The following SOX6 variants were observed in gnomAD, a reference collection of about 807,000 sequenced individuals.
SOX6 encodes the protein SRY-box transcription factor 6.
A neutral mutation model predicts 97.8 loss-of-function variants in SOX6; 11 were observed. The observed-to-expected ratio is 0.11, with a 90% CI of 0.07 to 0.19. The LOEUF is 0.19. Ranked by LOEUF, SOX6 falls within the 10% of genes least tolerant of loss-of-function variation. The pLI, the probability that SOX6 is intolerant of heterozygous loss-of-function variation, is 1.00. For missense variants in SOX6, 810 were observed against 1,039.5 expected (o/e 0.78, Z 3.04); for synonymous variants, 360 against 371.4 (o/e 0.97, Z 0.35).
At chr11:16,273,414 T>C (rs1854311336) in intron 3 of SOX6, among the ~76,000 whole-genome samples, 1 of 151,818 alleles carries the variant, frequency 6.6e-6, no homozygotes, top group Admixed American at 6.6e-5. Flanking sequence ...AATAATCTAG[T>C]CTATACAATA....
At chr11:16,419,850 T>C (rs907678787) in intron 1 of SOX6, among the ~76,000 whole-genome samples, 13 of 152,124 alleles carry the variant, frequency 8.5e-5, no homozygotes, top group Non-Finnish European at 1.3e-4. Flanking sequence ...CTGTACCTCA[T>C]AAGTGGTTTT....
At chr11:16,285,077 A>G (rs147675641) in intron 3 of SOX6, among the ~76,000 whole-genome samples, 1 of 152,296 alleles carries the variant, frequency 6.6e-6, no homozygotes, top group East Asian at 1.9e-4. Flanking sequence ...AGTATAGTCA[A>G]GTGAGCCTAA....
intron 12 of SOX6, among the ~76,000 whole-genome samples, chr11:16,020,816 G>T (rs918094658): frequency 1.3e-5 from 2 of 152,092 alleles, no homozygotes; most frequent in African/African-American, 4.8e-5. Context: ...AACATCAAAA[G>T]ATTTTTCAAG....
intron 11 of SOX6, 67 bp from the exon 12 acceptor site, chr11:16,046,768 C>A: frequency 6.7e-7 from 1 of 1,484,636 alleles, no homozygotes; most frequent in Non-Finnish European, 9.3e-7. Context: ...TACTACTATC[C>A]CCTCCCCTGT....
At chr11:16,482,473 G>A (rs143527840) in intron 4 of SOX6, among the ~76,000 whole-genome samples, 121 of 152,236 alleles carry the variant, frequency 7.9e-4, no homozygotes, top group African/African-American at 2.7e-3. Flanking sequence ...ACTGGGAAGC[G>A]ATCATGATTG....
At chr11:16,592,097 C>G (rs1848161133) in intron 4 of SOX6, among the ~76,000 whole-genome samples, 1 of 151,878 alleles carries the variant, frequency 6.6e-6, no homozygotes, top group African/African-American at 2.4e-5. Context: ...CATATATTAG[C>G]AAAATAGTAC....
chr11:16,384,388 T>G (rs1267163492), intron 1 of SOX6, among the ~76,000 whole-genome samples: 1 of 151,910 alleles, frequency 6.6e-6, no homozygotes, highest in Non-Finnish European at 1.5e-5. Context: ...AATAAAGGTA[T>G]TAAAATAATA....
intron 1 of SOX6, among the ~76,000 whole-genome samples, chr11:16,375,854 A>G (rs1857628285): frequency 6.6e-6 from 1 of 152,134 alleles, no homozygotes; most frequent in South Asian, 2.1e-4. Context: ...ATGCAGCCAT[A>G]AAAAAGGATG....
intron 1 of SOX6, among the ~76,000 whole-genome samples, chr11:16,378,190 G>T (rs927993759): frequency 6.6e-6 from 1 of 152,128 alleles, no homozygotes; most frequent in African/African-American, 2.4e-5. Context: ...GGCCTACTAT[G>T]TGCTAGGTAT....
At chr11:16,581,074 G>A (rs909901299) in intron 4 of SOX6, among the ~76,000 whole-genome samples, 9 of 152,006 alleles carry the variant, frequency 5.9e-5, no homozygotes, top group African/African-American at 4.8e-5. Flanking sequence ...AATACCATTT[G>A]ACCCAACAAT....
At chr11:16,446,066 T>C (rs1859604572) in intron 1 of SOX6, among the ~76,000 whole-genome samples, 1 of 152,088 alleles carries the variant, frequency 6.6e-6, no homozygotes, top group South Asian at 2.1e-4. Flanking sequence ...ACGTTATTTT[T>C]CTAGATTATC....
chr11:16,203,400 C>G (rs1167766275), intron 4 of SOX6, among the ~76,000 whole-genome samples: 5 of 152,112 alleles, frequency 3.3e-5, no homozygotes, highest in African/African-American at 1.2e-4. Context: ...ACAAGACTCT[C>G]CCAAGAAGAT....
At chr11:16,216,612 TAAA>T (rs35605922) in intron 4 of SOX6, among the ~76,000 whole-genome samples, 69,050 of 146,706 alleles carry the variant, frequency 0.47, 15,984 homozygotes, top group South Asian at 0.61. Context: ...CTTTTCAGAC[TAAA>T]AAAAAAAAAA....
intron 3 of SOX6, among the ~76,000 whole-genome samples, chr11:16,673,916 G>A (rs1301243491): frequency 4.6e-5 from 7 of 152,220 alleles, no homozygotes; most frequent in African/African-American, 7.2e-5. Context: ...TCGGCTGGGC[G>A]TGGTGGCTCA....
At chr11:16,681,495 C>T (rs1055216400) in intron 3 of SOX6, among the ~76,000 whole-genome samples, 8 of 152,070 alleles carry the variant, frequency 5.3e-5, no homozygotes, top group African/African-American at 9.7e-5. Context: ...TAAATGCCCA[C>T]AAGAGAAAGC....
intron 4 of SOX6, among the ~76,000 whole-genome samples, chr11:16,575,880 T>C (rs1012098762): frequency 2.0e-5 from 3 of 152,208 alleles, no homozygotes; most frequent in Non-Finnish European, 2.9e-5. Context: ...AGGATTCACA[T>C]AACTATTAGT....
intron 6 of SOX6, among the ~76,000 whole-genome samples, chr11:16,148,239 CTTCA>C (rs1465191414): frequency 6.6e-6 from 1 of 151,986 alleles, no homozygotes; most frequent in East Asian, 1.9e-4. Context: ...TTTTTTTATT[CTTCA>C]TTGTTTGAAT....
chr11:16,540,877 G>A (rs1354370103), intron 4 of SOX6, among the ~76,000 whole-genome samples: 4 of 152,222 alleles, frequency 2.6e-5, no homozygotes, highest in East Asian at 3.9e-4. Context: ...AATCAATATC[G>A]TGAAAATGGC....
intron 2 of SOX6, among the ~76,000 whole-genome samples, chr11:16,338,654 T>G (rs1856538534): frequency 6.6e-6 from 1 of 151,974 alleles, no homozygotes; most frequent in African/African-American, 2.4e-5. Context: ...CTTCTAGTCA[T>G]TCGGAATACA....
Sources: gnomAD v4.1 joint callset for allele counts (sites outside exome capture counted in the v4.1 genomes callset) on GRCh38, gnomAD v4.1.1 for gene constraint, MANE v1.5 for transcripts, NCBI Gene and HGNC (gene_info 2026-07-23, HGNC 2026-07-21) for gene names.